PREX2: variants seen among roughly 807,000 people sequenced by gnomAD.
PREX2 encodes phosphatidylinositol 3,4,5-trisphosphate-dependent Rac exchanger 2 protein.
Under a neutral mutation model 203.2 loss-of-function variants are expected in PREX2, and 107 were observed. That is an observed-to-expected ratio of 0.53 (90% CI 0.45 to 0.62). PREX2 has a LOEUF of 0.62. Ranked by LOEUF, PREX2 falls within the 20% of genes least tolerant of loss-of-function variation. The pLI is 0.00. For missense variants in PREX2, 1,777 were observed against 1,955.9 expected, an observed-to-expected ratio of 0.91 and a Z score of 1.72; for synonymous variants, 672 against 663.6, an observed-to-expected ratio of 1.01 and a Z score of -0.19.
intron 37 of PREX2, among the ~76,000 whole-genome samples, chr8:68,204,004 A>T (rs909742917): frequency 1.3e-5 from 2 of 152,150 alleles, no homozygotes; most frequent in African/African-American, 4.8e-5. Context: ...GGTAGCTGGG[A>T]TAGGTACCCA....
At chr8:68,140,859 G>C (rs954723649) in intron 33 of PREX2, among the ~76,000 whole-genome samples, 1 of 152,052 alleles carries the variant, frequency 6.6e-6, no homozygotes, top group African/African-American at 2.4e-5. Context: ...TATATTTATA[G>C]CATCGCCTAT....
chr8:68,178,350 T>A (rs1689031702), intron 35 of PREX2, among the ~76,000 whole-genome samples: 1 of 152,238 alleles, frequency 6.6e-6, no homozygotes, highest in African/African-American at 2.4e-5. Context: ...ATTGTGGTTT[T>A]GATTTGCATT....
intron 1 of PREX2, among the ~76,000 whole-genome samples, chr8:67,964,660 G>T (rs761493397): frequency 2.6e-5 from 4 of 152,050 alleles, no homozygotes; most frequent in Non-Finnish European, 4.4e-5. Flanking sequence ...ACTACAGAAA[G>T]GCTTTGGGGT....
intron 8 of PREX2, among the ~76,000 whole-genome samples, chr8:68,045,785 G>A (rs1808335188): frequency 6.6e-6 from 1 of 152,080 alleles, no homozygotes; most frequent in African/African-American, 2.4e-5. Flanking sequence ...AGACTGTAAT[G>A]CAGTTGCAGA....
intron 39 of PREX2, among the ~76,000 whole-genome samples, chr8:68,228,960 A>G (rs1313475073): frequency 2.4e-5 from 3 of 123,580 alleles, no homozygotes; most frequent in South Asian, 3.1e-4. Context: ...AAAAAAAAAA[A>G]AAAAAAAGAA....
intron 25 of PREX2, among the ~76,000 whole-genome samples, chr8:68,114,741 C>T (rs905189944): frequency 2.6e-5 from 4 of 152,230 alleles, no homozygotes; most frequent in Middle Eastern, 3.4e-3. Context: ...ACCCCATCCT[C>T]ACATTGTATG....
At position 67,966,842 on chromosome 8, in the gene PREX2, A is replaced by G. The variant is rs146958507; in HGVS notation, c.141+14307A>G. Among the ~76,000 whole-genome samples the G allele has an allele frequency of 2.1e-4, 32 of 152,288 alleles. No individual in the cohort carries two copies. In the East Asian group the frequency reaches 4.8e-3, roughly 23 times the overall value. ...TCCAAGGCATATTTCTTGAGCACCT[A>G]CTGTCTGCCAATCACTATTCAAGGT... On this transcript the variant is annotated intron_variant, in intron 1 of 39. Coordinates refer to ENST00000288368, the MANE Select transcript of PREX2 (RefSeq NM_024870.4).
intron 26 of PREX2, 117 bp downstream of exon 26, chr8:68,116,049 A>G (rs1346945956): frequency 3.6e-6 from 3 of 826,010 alleles, no homozygotes; most frequent in East Asian, 2.6e-5. Flanking sequence ...GTCTTTCACA[A>G]TAATCACCTG....
Position 68,072,481 on chromosome 8 carries a change from T to G in PREX2, c.1494-14T>G, listed in dbSNP as rs929112873. On this transcript the variant is annotated splice_polypyrimidine_tract_variant and intron_variant, in intron 13 of 39. Coordinates refer to ENST00000288368, the MANE Select transcript of PREX2 (RefSeq NM_024870.4). ...TTGTTTTTTGTTTGTTTGTTTTTAT[T>G]TTTTCCTTTATAGAGATAAAGATTA... The G allele has an allele frequency of 1.3e-6, 2 of 1,483,102 alleles. No homozygotes were observed. Among genetic ancestry groups the G allele is most frequent in the African/African-American group, 2.8e-5 (2 of 71,104 alleles). The allele number at this position is 1,483,102 out of a possible 1,614,324, so 91.9% of individuals were successfully genotyped here.
chr8:67,981,721 A>G (rs909571899), intron 1 of PREX2, among the ~76,000 whole-genome samples: 1 of 152,222 alleles, frequency 6.6e-6, no homozygotes, highest in Admixed American at 6.5e-5. Flanking sequence ...TGTAAAATAC[A>G]GATACTCTTG....
intron 1 of PREX2, among the ~76,000 whole-genome samples, chr8:67,986,640 A>C (rs4236953): frequency 0.22 from 33,770 of 152,154 alleles, 4,816 homozygotes; most frequent in East Asian, 0.54. Flanking sequence ...GTGAACTTCT[A>C]ATGGCAGGGG....
At chr8:68,128,531 A>ACCCACCTAGGGTG (rs1810940818) in intron 31 of PREX2, among the ~76,000 whole-genome samples, 1 of 152,156 alleles carries the variant, frequency 6.6e-6, no homozygotes, top group South Asian at 2.1e-4. Context: ...GGCTAGGCAC[A>ACCCACCTAGGGTG]GGTGATCTAG....
chr8:67,998,983 C>A (rs533542899), intron 1 of PREX2, among the ~76,000 whole-genome samples: 85 of 152,170 alleles, frequency 5.6e-4, no homozygotes, highest in Non-Finnish European at 1.1e-3. Flanking sequence ...TGAAAGAGAG[C>A]GATTTTGTAA....
chr8:68,029,273 T>C (rs748202677), intron 5 of PREX2, among the ~76,000 whole-genome samples: 17 of 152,098 alleles, frequency 1.1e-4, no homozygotes, highest in Non-Finnish European at 2.4e-4. Context: ...TTTCACATTA[T>C]GTAAATTCAT....
At chr8:68,203,052 G>T (rs142970409) in intron 37 of PREX2, among the ~76,000 whole-genome samples, 5 of 152,246 alleles carry the variant, frequency 3.3e-5, no homozygotes, top group Non-Finnish European at 7.4e-5. Context: ...TCAGTCCATG[G>T]ACCCATATGC....
At chr8:68,052,295 G>C (rs1808546190) in intron 8 of PREX2, among the ~76,000 whole-genome samples, 1 of 152,002 alleles carries the variant, frequency 6.6e-6, no homozygotes, top group Non-Finnish European at 1.5e-5. Flanking sequence ...TGCTTTGCAG[G>C]GACTGTCATG....
At chr8:68,168,454 C>A (rs1811806258) in intron 35 of PREX2, among the ~76,000 whole-genome samples, 2 of 152,176 alleles carry the variant, frequency 1.3e-5, no homozygotes, top group Non-Finnish European at 2.9e-5. Context: ...CCTAAGAAAA[C>A]ATTTTAATGT....
At chr8:68,097,382 T>G (rs147700488) in intron 22 of PREX2, among the ~76,000 whole-genome samples, 181 bp downstream of exon 22, 1,589 of 151,886 alleles carry the variant, frequency 0.01, 25 homozygotes, top group African/African-American at 0.037. Context: ...GAGAGTGCAG[T>G]GGCGTGATCT....
chr8:68,114,286 G>C (rs1428967709), intron 25 of PREX2: 4 of 507,576 alleles, frequency 7.9e-6, no homozygotes, highest in Non-Finnish European at 1.6e-5. Context: ...TTGACATTAT[G>C]GAATATGCGT....
Sources: gnomAD v4.1 joint callset for allele counts (sites outside exome capture counted in the v4.1 genomes callset) on GRCh38, gnomAD v4.1.1 for gene constraint, MANE v1.5 for transcripts, NCBI Gene and HGNC (gene_info 2026-07-23, HGNC 2026-07-21) for gene names.